Variants in TRAF7 observed in about 807,000 individuals in gnomAD.
The protein encoded by TRAF7 is E3 ubiquitin-protein ligase TRAF7.
TRAF7 carries 45 observed loss-of-function variants against 89.3 expected under a neutral mutation model. The ratio of observed to expected loss-of-function variants is 0.50; its 90% CI spans 0.40 to 0.65. The LOEUF (loss-of-function observed/expected upper bound fraction) is 0.65. Among genes scored for constraint, TRAF7 ranks in the 30% least tolerant of loss-of-function variants. The pLI, the probability that TRAF7 is intolerant of heterozygous loss-of-function variation, is 0.00. For synonymous variants in TRAF7, 406 were observed against 369.2 expected, an observed-to-expected ratio of 1.10 and a Z score of -1.14; for missense variants, 677 against 918.1, an observed-to-expected ratio of 0.74 and a Z score of 3.39.
rs1195297195 is a variant in TRAF7 at position 2,158,740 on chromosome 16, AGCGTGG to A, written c.-39+2884_-39+2889del. ...CCACACAGGAAGCAAATGAGAACAC[AGCGTGG>A]GACTGGGAAGCGTGGGCTCGGCGGG... On this transcript the variant is annotated intron_variant, in intron 1 of 20. Transcript: ENST00000326181. This position sits in a 1 kb window ranked among gnomAD's most constrained non-coding sequence, Gnocchi z 4.7. 2.7e-5 allele frequency among the ~76,000 whole-genome samples: 3 copies of A among 111,140 alleles called. No homozygotes were observed. The East Asian group carries it at 1.0e-3, about 37-fold the overall frequency. 72.9% of individuals were successfully genotyped at this position (111,140 alleles called of 152,430 possible). A position where few individuals can be genotyped will look rare whatever the true frequency, so the allele number is the denominator to read the frequency against.
chr16:2,157,551 G>A (rs139171830), intron 1 of TRAF7, among the ~76,000 whole-genome samples: 23 of 152,270 alleles, frequency 1.5e-4, no homozygotes, highest in Admixed American at 2.6e-4. Flanking sequence ...AGCTCCTCCC[G>A]GGTCAGATTC....
chr16:2,171,230 C>T, intron 5 of TRAF7, 34 bp from the exon 6 acceptor site: 1 of 1,524,184 alleles, frequency 6.6e-7, no homozygotes, highest in Non-Finnish European at 8.8e-7. Flanking sequence ...AGGGTGGCCT[C>T]CCGCCATCGC....
chr16:2,168,499 C>G lies in TRAF7; in HGVS notation c.231+331C>G. On this transcript the variant is annotated intron_variant, in intron 4 of 20. Transcript: ENST00000326181. This position sits in a 1 kb window ranked among gnomAD's most constrained non-coding sequence, Gnocchi z 4.1. ...GTCAGGAGGATAGCACAATAAAATA[C>G]ATGCTTTGAAAGCTTCCTTTGCTGC... 3.9e-6 allele frequency: 1 copy of G among 257,608 alleles called. No individual in the cohort carries two copies. The highest frequency in any genetic ancestry group is 7.5e-6 in the Non-Finnish European group (1 of 132,748). 16.0% of individuals were successfully genotyped at this position (257,608 alleles called of 1,614,324 possible). A position where few individuals can be genotyped will look rare whatever the true frequency, so the allele number is the denominator to read the frequency against.
chr16:2,167,759 G>A (rs138269932), intron 3 of TRAF7, among the ~76,000 whole-genome samples: 54 of 152,308 alleles, frequency 3.5e-4, no homozygotes, highest in Middle Eastern at 3.4e-3. Flanking sequence ...CTCAATTGGG[G>A]TGCTGGGGAG....
intron 1 of TRAF7, among the ~76,000 whole-genome samples, chr16:2,156,986 A>G (rs1233375083): frequency 2.0e-5 from 3 of 152,010 alleles, no homozygotes; most frequent in Non-Finnish European, 4.4e-5. Flanking sequence ...GTCCAGGGGC[A>G]GGGGCCTGCT....
At chr16:2,170,552 G>C in intron 4 of TRAF7, 62 bp from the exon 5 acceptor site, 1 of 1,336,670 alleles carries the variant, frequency 7.5e-7, no homozygotes, top group Non-Finnish European at 1.1e-6. Context: ...GCTGGGTCCT[G>C]TCCTCCCCGA....
rs1314620418 is a variant in TRAF7, at chr16:2,161,227, G to A, written c.-38-2656G>A. Among the ~76,000 whole-genome samples, 2 of 105,502 alleles carry A rather than the reference G, an allele frequency of 1.9e-5. No individual in the cohort carries two copies. Among genetic ancestry groups the A allele is most frequent in the African/African-American group, 7.6e-5 (2 of 26,254 alleles). 69.2% of individuals were successfully genotyped at this position (105,502 alleles called of 152,430 possible). A position where few individuals can be genotyped will look rare whatever the true frequency, so the allele number is the denominator to read the frequency against. ...TCCCTCCGTCCCCCTGCTTCCCTCT[G>A]CCCCCTCCCTCCCTCCGTCCCCTCC... On this transcript the variant is annotated intron_variant, in intron 1 of 20. Coordinates refer to ENST00000326181, the MANE Select transcript of TRAF7 (RefSeq NM_032271.3). This position sits in a 1 kb window ranked among gnomAD's most constrained non-coding sequence, Gnocchi z 5.2.
At chr16:2,167,227 G>A (rs995891660) in intron 3 of TRAF7, among the ~76,000 whole-genome samples, 4 of 152,150 alleles carry the variant, frequency 2.6e-5, no homozygotes, top group Non-Finnish European at 5.9e-5. Context: ...CTCGGCGGCA[G>A]GGATGGGCAG....
chr16:2,174,970 C>T (rs544042242), intron 14 of TRAF7, 141 bp from the exon 15 acceptor site: 13 of 1,033,554 alleles, frequency 1.3e-5, no homozygotes, highest in African/African-American at 3.2e-5. Flanking sequence ...AATAGGCTGA[C>T]GCTTAAGGAC....
Position 2,173,850 on chromosome 16 carries a change from C to T in TRAF7, c.1135+14C>T, listed in dbSNP as rs201084962. On this transcript the variant is annotated intron_variant, in intron 12 of 20. Coordinates refer to ENST00000326181, the MANE Select transcript of TRAF7 (RefSeq NM_032271.3). The stretch of plus-strand genomic sequence containing the variant: ...GCATCCTAGGCTGTGAGTATGGACC[C>T]GCCGTGGCTCCCGCCCACCCTCCCC... 130 of 1,610,938 alleles carry T rather than the reference C, an allele frequency of 8.1e-5. No individual in the cohort carries two copies. In the East Asian group the frequency reaches 1.4e-3, roughly 17 times the overall value.
At position 2,163,846 on chromosome 16, in the gene TRAF7, C is replaced by T; in HGVS notation, c.-38-37C>T. ...CGTCTGACTCACAGGGGCCTGGGCT[C>T]CATCTCTCAAGCCCCTCATTTGTGC... On this transcript the variant is annotated intron_variant, in intron 1 of 20. Coordinates refer to ENST00000326181, the MANE Select transcript of TRAF7 (RefSeq NM_032271.3). The surrounding 1 kb of genome is among the most constrained non-coding windows in gnomAD (Gnocchi z 4.3). 7.4e-7 allele frequency: 1 copy of T among 1,342,574 alleles called. No individual in the cohort carries two copies. The highest frequency in any genetic ancestry group is 1.1e-6 in the Non-Finnish European group (1 of 950,130). The allele number at this position is 1,342,574 out of a possible 1,614,324, so 83.2% of individuals were successfully genotyped here.
intron 2 of TRAF7, 98 bp downstream of exon 2, chr16:2,164,099 C>A: frequency 8.4e-7 from 1 of 1,185,862 alleles, no homozygotes; most frequent in Non-Finnish European, 1.2e-6. Context: ...CAGTCCCGTC[C>A]CGAGCTGGGG....
At chr16:2,172,112 C>A in intron 7 of TRAF7, 79 bp from the exon 8 acceptor site, 1 of 1,559,262 alleles carries the variant, frequency 6.4e-7, no homozygotes, top group South Asian at 1.1e-5. Context: ...ATCTGGCCCC[C>A]ATTAGAGGCT....
rs147744095 is a variant in TRAF7, at chr16:2,176,556, G to C, written c.1999-4G>C. On this transcript the variant is annotated splice_region_variant and splice_polypyrimidine_tract_variant and intron_variant, in intron 20 of 20. Coordinates refer to ENST00000326181, the MANE Select transcript of TRAF7 (RefSeq NM_032271.3). ...ATCCTGGTGAAGCAGCCCTTTCTCT[G>C]CAGGTTTGGACTTGCTAACAGGATC... 1 of 1,613,304 alleles carries C rather than the reference G, an allele frequency of 6.2e-7. No individual in the cohort carries two copies. The highest frequency in any genetic ancestry group is 1.3e-5 in the African/African-American group (1 of 74,912).
intron 4 of TRAF7, among the ~76,000 whole-genome samples, chr16:2,169,061 C>T (rs1208441515): frequency 6.6e-6 from 1 of 152,152 alleles, no homozygotes; most frequent in African/African-American, 2.4e-5. Flanking sequence ...TCTCAGCTCA[C>T]CACAACCTCC....
Position 2,167,423 on chromosome 16 carries a change from G to A in TRAF7, c.140-654G>A, listed in dbSNP as rs528875309. Among the ~76,000 whole-genome samples the A allele has an allele frequency of 8.5e-5, 13 of 152,338 alleles. No homozygotes were observed. The South Asian group carries it at 1.0e-3, about 12-fold the overall frequency. ...TCTCTGCCTCCCACGTGGACTGACC[G>A]GCCGGTAGCCCTGCCCTCTGGCCCT... On this transcript the variant is annotated intron_variant, in intron 3 of 20. Coordinates refer to ENST00000326181, the MANE Select transcript of TRAF7 (RefSeq NM_032271.3).
At chr16:2,166,011 A>T in intron 3 of TRAF7, 75 bp downstream of exon 3, 1 of 1,572,536 alleles carries the variant, frequency 6.4e-7, no homozygotes, top group South Asian at 1.1e-5. Context: ...CTAAGGACTG[A>T]GGGACACTTC....
At chr16:2,165,241 A>G (rs377391702) in intron 2 of TRAF7, among the ~76,000 whole-genome samples, 5,438 of 29,798 alleles carry the variant, frequency 0.18, no homozygotes, top group Admixed American at 0.19. Flanking sequence ...TGTTAGTGCT[A>G]CGTGGCGCGG....
chr16:2,171,481 G>A, intron 6 of TRAF7, 91 bp from the exon 7 acceptor site: 1 of 1,586,744 alleles, frequency 6.3e-7, no homozygotes. Context: ...CACTGGGCTT[G>A]GGGTACAGCG....
Sources: gnomAD v4.1 joint callset for allele counts (sites outside exome capture counted in the v4.1 genomes callset) on GRCh38, gnomAD v4.1.1 for gene constraint, Gnocchi (gnomAD v3.1) non-coding constraint, MANE v1.5 for transcripts, NCBI Gene and HGNC (gene_info 2026-07-23, HGNC 2026-07-21) for gene names.